Variants in CRISPLD1 observed in about 807,000 individuals in gnomAD.
The protein encoded by CRISPLD1 is cysteine-rich secretory protein LCCL domain-containing 1.
In CRISPLD1, 60 loss-of-function variants were observed where a neutral mutation model predicts 77.5. The observed-to-expected ratio is 0.77, with a 90% CI of 0.63 to 0.96. The LOEUF is 0.96. Among genes scored for constraint, CRISPLD1 ranks in the 40% least tolerant of loss-of-function variants. The probability of loss-of-function intolerance (pLI) is 0.00; values close to 1 mark genes in which losing one functional copy is unlikely to be tolerated. For synonymous variants in CRISPLD1, 195 were observed against 200.1 expected (o/e 0.97, Z 0.22); for missense variants, 623 against 615.8 (o/e 1.01, Z -0.12).
chr8:74,999,613 G>A (rs1338532687), intron 2 of CRISPLD1, among the ~76,000 whole-genome samples: 1 of 152,070 alleles, frequency 6.6e-6, no homozygotes, highest in Non-Finnish European at 1.5e-5. Context: ...TAAGTAGAAG[G>A]CTTTAGCCTT....
In CRISPLD1 at chr8:74,996,034, TTATATA is replaced by T. The variant is rs10588040; in HGVS notation, c.258+9806_258+9811del. On this transcript the variant is annotated intron_variant, in intron 2 of 14. Coordinates refer to ENST00000262207, the MANE Select transcript of CRISPLD1 (RefSeq NM_031461.6). The stretch of plus-strand genomic sequence containing the variant: ...ATAAAAATGGCAATGGGTCATTGCT[TTATATA>T]TATATATATATATATAAATACGCAT... Among the ~76,000 whole-genome samples, 848 of 145,650 alleles carry T rather than the reference TTATATA, an allele frequency of 5.8e-3. 7 individuals carry two copies. Among genetic ancestry groups the T allele is most frequent in the African/African-American group, 0.019 (777 of 40,208 alleles).
At chr8:75,030,677 T>G (rs1813319243) in intron 14 of CRISPLD1, among the ~76,000 whole-genome samples, 1 of 139,336 alleles carries the variant, frequency 7.2e-6, no homozygotes, top group South Asian at 2.2e-4. Flanking sequence ...TACCCGGAGA[T>G]ATATGTGTGT....
chr8:75,030,048 T>G (rs1262187636), intron 14 of CRISPLD1, among the ~76,000 whole-genome samples: 1 of 152,150 alleles, frequency 6.6e-6, no homozygotes, highest in Non-Finnish European at 1.5e-5. Context: ...TTTGGTGATT[T>G]GAGAAAATTC....
intron 2 of CRISPLD1, among the ~76,000 whole-genome samples, chr8:75,006,125 C>T (rs1179451799): frequency 6.6e-6 from 1 of 152,116 alleles, no homozygotes; most frequent in Non-Finnish European, 1.5e-5. Context: ...TCTGTATGTC[C>T]ATGCATGTGC....
chr8:75,013,391 A>G (rs1451508497), intron 4 of CRISPLD1, among the ~76,000 whole-genome samples: 1 of 152,082 alleles, frequency 6.6e-6, no homozygotes, highest in Non-Finnish European at 1.5e-5. Flanking sequence ...ATATATATAT[A>G]TATTTATATT....
chr8:75,027,182 G>A (rs1343422753), intron 13 of CRISPLD1, among the ~76,000 whole-genome samples: 1 of 152,082 alleles, frequency 6.6e-6, no homozygotes, highest in Non-Finnish European at 1.5e-5. Context: ...CAGCAGCTGG[G>A]TTATTCATTC....
chr8:75,003,383 T>C (rs945472047), intron 2 of CRISPLD1, among the ~76,000 whole-genome samples: 24 of 152,220 alleles, frequency 1.6e-4, no homozygotes, highest in Admixed American at 9.2e-4. Context: ...TTTGAAAATT[T>C]GGTGTCCCCA....
chr8:75,012,946 G>C lies in CRISPLD1; in HGVS notation c.434G>C (p.Ser145Thr), dbSNP rs1812959907. 1 of 1,612,798 alleles carries C rather than the reference G, an allele frequency of 6.2e-7. No individual in the cohort carries two copies. The highest frequency in any genetic ancestry group is 1.7e-5 in the Admixed American group (1 of 59,860). The change falls in exon 4 of 15, where the codon AGC becomes ACC. Residue 145 changes from serine (S) to threonine (T), a missense_variant. Ser to Thr is a moderately conservative substitution (Grantham distance 58). Coordinates refer to ENST00000262207, the MANE Select transcript of CRISPLD1 (RefSeq NM_031461.6). ...QSWYDEVKDF[S>T]YPYEHECNPY... Reference sequence around the variant, plus strand: ...TGGTATGATGAAGTGAAAGACTTTAGCTACCCATATGAACATGAATGCAAC... The same window carrying C: ...TGGTATGATGAAGTGAAAGACTTTACCTACCCATATGAACATGAATGCAAC...
intron 2 of CRISPLD1, among the ~76,000 whole-genome samples, chr8:75,001,286 A>G (rs1812736808): frequency 1.3e-5 from 2 of 152,170 alleles, no homozygotes; most frequent in South Asian, 2.1e-4. Flanking sequence ...TTTAATAAAC[A>G]TGACAGGTGG....
At chr8:74,991,249 G>A (rs1364177742) in intron 2 of CRISPLD1, among the ~76,000 whole-genome samples, 2 of 152,036 alleles carry the variant, frequency 1.3e-5, no homozygotes, top group Admixed American at 1.3e-4. Context: ...GCCCACCTTG[G>A]CCTCCTACAG....
intron 12 of CRISPLD1, 56 bp from the exon 13 acceptor site, chr8:75,025,490 G>T: frequency 1.4e-6 from 1 of 696,456 alleles, no homozygotes; most frequent in South Asian, 3.7e-5. Flanking sequence ...TTACTAATAA[G>T]AAAGACTTAA....
At chr8:74,995,183 G>T (rs1010589248) in intron 2 of CRISPLD1, among the ~76,000 whole-genome samples, 3 of 151,652 alleles carry the variant, frequency 2.0e-5, no homozygotes, top group Admixed American at 6.6e-5. Context: ...AAGGTGAGAA[G>T]GAAAAACACA....
At position 75,014,047 on chromosome 8, in the gene CRISPLD1, A is replaced by T. The variant is rs778770311; in HGVS notation, c.571A>T (p.Ile191Phe). ...CAINLCHNMN[I>F]WGQIWPKAVY... ...CATTAATTTGTGTCATAACATGAACATCTGGGGGCAGATATGGCCCAAAGC... is the reference window on the plus strand; with the variant it reads ...CATTAATTTGTGTCATAACATGAACTTCTGGGGGCAGATATGGCCCAAAGC... Residue 191 changes from isoleucine to phenylalanine, a missense_variant, in exon 5 of 15, where the codon ATC (isoleucine) becomes TTC (phenylalanine). Physicochemically the swap from Ile to Phe is conservative, Grantham distance 21. Coordinates refer to ENST00000262207, the MANE Select transcript of CRISPLD1 (RefSeq NM_031461.6). The T allele has an allele frequency of 2.5e-6, 4 of 1,613,284 alleles. No homozygotes were observed. The highest frequency in any genetic ancestry group is 3.4e-6 in the Non-Finnish European group (4 of 1,179,456).
intron 2 of CRISPLD1, among the ~76,000 whole-genome samples, chr8:74,999,137 A>G (rs1812694312): frequency 6.6e-6 from 1 of 152,160 alleles, no homozygotes; most frequent in African/African-American, 2.4e-5. Context: ...TAAGAACCTG[A>G]AACTGATCTG....
chr8:75,012,550 A>G lies in CRISPLD1; in HGVS notation c.376A>G (p.Arg126Gly), dbSNP rs1333571032. Residue 126 changes from arginine (R) to glycine (G), a missense_variant and splice_region_variant, in exon 3 of 15, where the codon AGA becomes GGA. Coordinates refer to ENST00000262207, the MANE Select transcript of CRISPLD1 (RefSeq NM_031461.6). ...ACAGAATTTGGGAGCACACTGGGGA[A>G]GGTATCTTAAAGCACAACTTTTTCT... ...IGQNLGAHWG[R>G]YRPPTFHVQS... is the part of the protein sequence containing the mutation. 4 of 1,578,118 alleles carry G rather than the reference A, an allele frequency of 2.5e-6. No individual in the cohort carries two copies. Among genetic ancestry groups the G allele is most frequent in the Non-Finnish European group, 3.5e-6 (4 of 1,147,692 alleles).
intron 2 of CRISPLD1, among the ~76,000 whole-genome samples, chr8:74,988,760 A>T (rs7831837): frequency 1.3e-5 from 2 of 152,130 alleles, no homozygotes; most frequent in African/African-American, 4.8e-5. Flanking sequence ...GCTTGAACCC[A>T]GGAGGGGAAG....
intron 2 of CRISPLD1, among the ~76,000 whole-genome samples, chr8:75,006,099 G>A (rs1411730206): frequency 6.6e-6 from 1 of 152,050 alleles, no homozygotes; most frequent in African/African-American, 2.4e-5. Flanking sequence ...GGAGTCCCCA[G>A]TGCCTATTAT....
intron 10 of CRISPLD1, among the ~76,000 whole-genome samples, chr8:75,019,123 C>T (rs762758922): frequency 4.6e-5 from 7 of 151,854 alleles, no homozygotes; most frequent in Non-Finnish European, 1.0e-4. Flanking sequence ...TATTTTATGC[C>T]TCAAAGAATG....
rs768053173 is a variant in CRISPLD1 at position 75,025,564 on chromosome 8, CTG to C, written c.1265_1266del (p.Cys422TyrfsTer18). 3 of 1,570,510 alleles carry C rather than the reference CTG, an allele frequency of 1.9e-6. No homozygotes were observed. Among genetic ancestry groups the C allele is most frequent in the Non-Finnish European group, 2.6e-6 (3 of 1,143,838 alleles). Reference sequence around the variant, plus strand: ...TTTTCAGAGTATACTGTCCTCGTAACTGTATGCAAGCAAATCCACATTATGCT... The same window carrying C: ...TTTTCAGAGTATACTGTCCTCGTAACTATGCAAGCAAATCCACATTATGCT... The part of the protein sequence containing the change: ...HCPRVYCPRN[C>X]MQANPHYARV... On this transcript the variant is annotated frameshift_variant, in exon 13 of 15. Transcript: ENST00000262207. LOFTEE classifies it high-confidence loss of function.
Sources: gnomAD v4.1 joint callset for allele counts (sites outside exome capture counted in the v4.1 genomes callset) on GRCh38, gnomAD v4.1.1 for gene constraint, MANE v1.5 for transcripts, NCBI Gene and HGNC (gene_info 2026-07-23, HGNC 2026-07-21) for gene names.